The following ZNRF2 variants were observed in gnomAD, a reference collection of about 807,000 sequenced individuals.
The protein encoded by ZNRF2 is zinc and ring finger 2, also known as E3 ubiquitin-protein ligase ZNRF2.
Under a neutral mutation model 20.4 loss-of-function variants are expected in ZNRF2, and 16 were observed. The ratio of observed to expected loss-of-function variants is 0.79; its 90% CI spans 0.53 to 1.19. ZNRF2 has a LOEUF of 1.19. Ranked by LOEUF, ZNRF2 falls within the 50% of genes most tolerant of loss-of-function variation. The pLI is 0.00. For synonymous variants in ZNRF2, 178 were observed against 144.9 expected (o/e 1.23, Z -1.64); for missense variants, 363 against 332.4 (o/e 1.09, Z -0.72).
chr7:30,315,680 C>T (rs1186602550), intron 1 of ZNRF2, among the ~76,000 whole-genome samples: 2 of 123,924 alleles, frequency 1.6e-5, no homozygotes, highest in Non-Finnish European at 3.1e-5. Flanking sequence ...ATGTCTGATC[C>T]CATAATTAAG....
At chr7:30,315,348 A>G (rs1206375478) in intron 1 of ZNRF2, among the ~76,000 whole-genome samples, 1 of 152,192 alleles carries the variant, frequency 6.6e-6, no homozygotes, top group African/African-American at 2.4e-5. Flanking sequence ...TATGTACAAG[A>G]TATTGTAAAT....
chr7:30,324,725 T>G (rs1799526116), intron 2 of ZNRF2, among the ~76,000 whole-genome samples: 1 of 152,190 alleles, frequency 6.6e-6, no homozygotes, highest in Non-Finnish European at 1.5e-5. Flanking sequence ...AAATAAAATC[T>G]TTTGGGTTAA....
rs1176547490 is a variant in ZNRF2 at position 30,311,375 on chromosome 7, T to A, written c.470-12267T>A. ...CTTAAGTCTGTAATGCTATATTTGATTCTTCCATATGTGAATTTGGGGGAT... is the reference window on the plus strand; with the variant it reads ...CTTAAGTCTGTAATGCTATATTTGAATCTTCCATATGTGAATTTGGGGGAT... On this transcript the variant is annotated intron_variant, in intron 1 of 4. Transcript: ENST00000323037. 3.9e-5 allele frequency among the ~76,000 whole-genome samples: 6 copies of A among 152,222 alleles called. No individual in the cohort carries two copies. In the East Asian group the frequency reaches 1.2e-3, roughly 29 times the overall value.
chr7:30,297,316 A>G (rs1158163502), intron 1 of ZNRF2, among the ~76,000 whole-genome samples: 1 of 151,978 alleles, frequency 6.6e-6, no homozygotes, highest in East Asian at 1.9e-4. Flanking sequence ...TGGAGATTGT[A>G]TTTGCCTGCC....
chr7:30,307,909 G>A (rs896437317), intron 1 of ZNRF2, among the ~76,000 whole-genome samples: 2 of 152,056 alleles, frequency 1.3e-5, no homozygotes, highest in African/African-American at 2.4e-5. Flanking sequence ...TAAAATTTTT[G>A]TGTGTGAAAT....
intron 3 of ZNRF2, among the ~76,000 whole-genome samples, chr7:30,361,032 G>A (rs1266764976): frequency 2.0e-5 from 3 of 152,190 alleles, no homozygotes; most frequent in African/African-American, 7.2e-5. Context: ...AGAGGACCTG[G>A]AGTTTTAAAT....
chr7:30,299,148 CT>C (rs1799067004), intron 1 of ZNRF2, among the ~76,000 whole-genome samples: 1 of 152,022 alleles, frequency 6.6e-6, no homozygotes, highest in Non-Finnish European at 1.5e-5. Context: ...GATGATGCCC[CT>C]GGGCGTGGTG....
intron 2 of ZNRF2, 55 bp downstream of exon 2, chr7:30,323,792 G>T: frequency 1.7e-6 from 2 of 1,159,930 alleles, no homozygotes; most frequent in South Asian, 3.4e-5. Flanking sequence ...TACATTTTAT[G>T]AATTTCATGT....
chr7:30,362,475 A>G lies in ZNRF2; in HGVS notation c.*22+19A>G. The G allele has an allele frequency of 6.6e-7, 1 of 1,514,870 alleles. No individual in the cohort carries two copies. The highest frequency in any genetic ancestry group is 9.0e-7 in the Non-Finnish European group (1 of 1,105,914). 93.8% of individuals were successfully genotyped at this position (1,514,870 alleles called of 1,614,324 possible). A position where few individuals can be genotyped will look rare whatever the true frequency, so the allele number is the denominator to read the frequency against. On this transcript the variant is annotated intron_variant, in intron 4 of 4. Coordinates refer to ENST00000323037, the MANE Select transcript of ZNRF2 (RefSeq NM_147128.4). ...TTTATAGGTAATTTTTTTTGTAATTACTTTTTAAAGCGTTAGCCCAAATTA... is the reference window on the plus strand; with the variant it reads ...TTTATAGGTAATTTTTTTTGTAATTGCTTTTTAAAGCGTTAGCCCAAATTA...
At chr7:30,362,303 A>AT (rs1390342272) in intron 3 of ZNRF2, 74 bp from the exon 4 acceptor site, 6 of 1,040,674 alleles carry the variant, frequency 5.8e-6, no homozygotes, top group Non-Finnish European at 8.2e-6. Context: ...AAAGTCAAGT[A>AT]TTTTTACTGT....
Position 30,365,403 on chromosome 7 carries a change from CTACATGGGCAGGGTGAACTCT to C in ZNRF2, c.*23-631_*23-611del, listed in dbSNP as rs529428816. Among the ~76,000 whole-genome samples the C allele has an allele frequency of 5.0e-4, 76 of 152,166 alleles. 1 individual carries two copies. Among genetic ancestry groups the C allele is most frequent in the Admixed American group, 1.3e-3 (20 of 15,278 alleles). The stretch of plus-strand genomic sequence containing the variant: ...AGAACCTGAATTTGAAACTAGCCTA[CTACATGGGCAGGGTGAACTCT>C]GTTAATCAGGTGTCTACAGAAATCT... On this transcript the variant is annotated intron_variant, in intron 4 of 4. Transcript: ENST00000323037.
At chr7:30,343,388 A>G (rs1012874548) in intron 2 of ZNRF2, among the ~76,000 whole-genome samples, 4 of 152,168 alleles carry the variant, frequency 2.6e-5, no homozygotes, top group Non-Finnish European at 5.9e-5. Context: ...CTGTTTCAAA[A>G]AAAGGTCTTT....
intron 1 of ZNRF2, among the ~76,000 whole-genome samples, chr7:30,318,117 A>G (rs1034461240): frequency 6.6e-6 from 1 of 152,180 alleles, no homozygotes; most frequent in Admixed American, 6.5e-5. Flanking sequence ...ATTTTGGGGA[A>G]ACTTGGAGTG....
chr7:30,322,073 G>C (rs1799479328), intron 1 of ZNRF2, among the ~76,000 whole-genome samples: 1 of 151,748 alleles, frequency 6.6e-6, no homozygotes, highest in African/African-American at 2.4e-5. Flanking sequence ...TTTGTGTTGG[G>C]CCACATTAGG....
chr7:30,356,767 G>A (rs1029558336), intron 3 of ZNRF2, among the ~76,000 whole-genome samples: 2 of 137,498 alleles, frequency 1.5e-5, no homozygotes, highest in South Asian at 2.2e-4. Context: ...GGGCAGTGAC[G>A]TGATCTCGGC....
chr7:30,344,866 T>A (rs1799853356), intron 2 of ZNRF2, among the ~76,000 whole-genome samples: 1 of 152,222 alleles, frequency 6.6e-6, no homozygotes, highest in Non-Finnish European at 1.5e-5. Context: ...ATGAAATCTT[T>A]GGGTTATACC....
At chr7:30,329,164 G>A (rs1799597254) in intron 2 of ZNRF2, among the ~76,000 whole-genome samples, 1 of 151,972 alleles carries the variant, frequency 6.6e-6, no homozygotes, top group Non-Finnish European at 1.5e-5. Context: ...TTTATTATGT[G>A]TACATAATAG....
intron 1 of ZNRF2, among the ~76,000 whole-genome samples, chr7:30,315,138 A>G (rs1380226444): frequency 1.3e-5 from 2 of 152,018 alleles, no homozygotes; most frequent in African/African-American, 4.8e-5. Flanking sequence ...ATTTGTTAAG[A>G]TATCCAAGAC....
chr7:30,340,673 C>CAA (rs1799780251), intron 2 of ZNRF2, among the ~76,000 whole-genome samples: 1 of 152,052 alleles, frequency 6.6e-6, no homozygotes, highest in South Asian at 2.1e-4. Flanking sequence ...CATCGATGTT[C>CAA]ATCAGGGATA....
Sources: allele counts gnomAD v4.1 joint callset (sites outside exome capture counted in the v4.1 genomes callset), GRCh38; gene constraint gnomAD v4.1.1; transcripts MANE v1.5; gene names NCBI Gene and HGNC (gene_info 2026-07-23, HGNC 2026-07-21).